The following LRRC27 variants were observed in gnomAD, a reference collection of about 807,000 sequenced individuals.
The protein encoded by LRRC27 is leucine-rich repeat-containing protein 27.
In LRRC27, 57 loss-of-function variants were observed where a neutral mutation model predicts 55.0. The ratio of observed to expected loss-of-function variants is 1.04; its 90% CI spans 0.84 to 1.29. The LOEUF (loss-of-function observed/expected upper bound fraction) is 1.29. Ranked by LOEUF, LRRC27 falls within the 50% of genes most tolerant of loss-of-function variation. LRRC27 has a pLI of 0.00. For missense variants in LRRC27, 721 were observed against 651.5 expected, an observed-to-expected ratio of 1.11 and a Z score of -1.16; for synonymous variants, 278 against 251.9, an observed-to-expected ratio of 1.10 and a Z score of -0.98.
At position 132,378,171 on chromosome 10, in the gene LRRC27, T is replaced by C. The variant is rs1184051749; in HGVS notation, c.*2929T>C. ...GCCTGGGCGACAGAGCGAGACTCCG[T>C]CTCAAAAAAAAAAAAAAAAGATTCA... On this transcript the variant is annotated 3_prime_UTR_variant, in exon 11 of 11. Transcript: ENST00000368614. 3 of 143,396 alleles carry C rather than the reference T, an allele frequency of 2.1e-5. No homozygotes were observed. Among genetic ancestry groups the C allele is most frequent in the African/African-American group, 7.6e-5 (3 of 39,392 alleles). The allele number at this position is 143,396 out of a possible 1,614,324, so 8.9% of individuals were successfully genotyped here. A position where few individuals can be genotyped will look rare whatever the true frequency, so the allele number is the denominator to read the frequency against.
At chr10:132,365,099 G>T (rs1020236718) in intron 9 of LRRC27, among the ~76,000 whole-genome samples, 1 of 152,266 alleles carries the variant, frequency 6.6e-6, no homozygotes, top group African/African-American at 2.4e-5. Flanking sequence ...CCTTCATGTG[G>T]TGCAGTGTGC....
chr10:132,346,377 A>G (rs1406830949), intron 5 of LRRC27, among the ~76,000 whole-genome samples: 3 of 152,050 alleles, frequency 2.0e-5, no homozygotes, highest in Admixed American at 2.0e-4. Context: ...CCTTTCAATT[A>G]CTTTAAAAAG....
intron 6 of LRRC27, among the ~76,000 whole-genome samples, chr10:132,349,525 A>C (rs543021680): frequency 6.0e-4 from 92 of 152,342 alleles, no homozygotes; most frequent in African/African-American, 1.7e-3. Context: ...ACACAGTCGC[A>C]CGGTGAAAGG....
intron 2 of LRRC27, chr10:132,336,748 C>A: frequency 1.3e-6 from 1 of 769,430 alleles, no homozygotes; most frequent in South Asian, 1.4e-5. Context: ...TCCAGGCAGT[C>A]TGGCTTTGAG....
In LRRC27 at chr10:132,375,551, G is replaced by C. The variant is rs1312296793; in HGVS notation, c.*309G>C. On this transcript the variant is annotated 3_prime_UTR_variant, in exon 11 of 11. Coordinates refer to ENST00000368614, the MANE Select transcript of LRRC27 (RefSeq NM_030626.3). ...AGGCACTTGCCTCTCTCCTGTCCTGGAGCCCTTGTTACAAAAGTACTCACA... is the reference window on the plus strand; with the variant it reads ...AGGCACTTGCCTCTCTCCTGTCCTGCAGCCCTTGTTACAAAAGTACTCACA... 1 of 242,582 alleles carries C rather than the reference G, an allele frequency of 4.1e-6. No individual in the cohort carries two copies. Among genetic ancestry groups the C allele is most frequent in the Non-Finnish European group, 7.9e-6 (1 of 126,740 alleles). The allele number at this position is 242,582 out of a possible 1,614,324, so 15.0% of individuals were successfully genotyped here.
chr10:132,364,228 G>A (rs928354789), intron 9 of LRRC27, among the ~76,000 whole-genome samples: 11 of 151,894 alleles, frequency 7.2e-5, no homozygotes, highest in Admixed American at 1.3e-4. Flanking sequence ...CCCTGCTGCT[G>A]GGAGTAAGAG....
At chr10:132,361,994 C>T (rs1325010353) in intron 9 of LRRC27, among the ~76,000 whole-genome samples, 1 of 152,196 alleles carries the variant, frequency 6.6e-6, no homozygotes, top group Non-Finnish European at 1.5e-5. Context: ...TTCTTCCCAC[C>T]CCAGCTTCCT....
In LRRC27 at chr10:132,333,703, TGGA is replaced by T. The variant is rs2066953399; in HGVS notation, c.185_187del (p.Glu62del). On this transcript the variant is annotated inframe_deletion, in exon 2 of 11. Transcript: ENST00000368614. ...TTGAGTGAAAGTGGTCTGTGCCGTT[TGGA>T]GGAGGTCTTTAGAATCCCCAGCCTT... The T allele has an allele frequency of 1.2e-6, 2 of 1,613,596 alleles. No individual in the cohort carries two copies. Among genetic ancestry groups the T allele is most frequent in the African/African-American group, 2.7e-5 (2 of 74,922 alleles).
intron 9 of LRRC27, among the ~76,000 whole-genome samples, chr10:132,364,537 AAATCTACCTCCACACCCACACTT>A: frequency 1.6e-5 from 1 of 63,354 alleles, no homozygotes; most frequent in Non-Finnish European, 2.9e-5. Context: ...ACCCACACTT[AAATCTACCTCCACACCCACACTT>A]ACACCCACGT....
chr10:132,337,753 T>C (rs1294289094), intron 3 of LRRC27, 58 bp downstream of exon 3: 1 of 1,580,550 alleles, frequency 6.3e-7, no homozygotes, highest in Non-Finnish European at 8.7e-7. Context: ...CGAGTGCCTG[T>C]TCTTTCGCTC....
intron 9 of LRRC27, among the ~76,000 whole-genome samples, chr10:132,364,832 C>G (rs2068969449): frequency 6.6e-6 from 1 of 150,988 alleles, no homozygotes; most frequent in Non-Finnish European, 1.5e-5. Flanking sequence ...ACATCTACCT[C>G]CACGCCCACA....
In LRRC27 at chr10:132,364,445, A is replaced by ACC. The variant is rs1564853403; in HGVS notation, c.1290-978_1290-977insCC. Among the ~76,000 whole-genome samples, 4 of 118,198 alleles carry ACC rather than the reference A, an allele frequency of 3.4e-5. 1 individual carries two copies. The highest frequency in any genetic ancestry group is 7.1e-5 in the African/African-American group (2 of 28,062). 77.5% of individuals were successfully genotyped at this position (118,198 alleles called of 152,430 possible). Reference sequence around the variant, plus strand: ...TACACCCACGCTTACATCTACCTCCACACCCACACTCACACCCACCCACAC... The same window carrying ACC: ...TACACCCACGCTTACATCTACCTCCACCCACCCACACTCACACCCACCCACAC... On this transcript the variant is annotated intron_variant, in intron 9 of 10. Transcript: ENST00000368614.
At chr10:132,357,118 C>T (rs1434382261) in intron 8 of LRRC27, among the ~76,000 whole-genome samples, 1 of 152,156 alleles carries the variant, frequency 6.6e-6, no homozygotes, top group Non-Finnish European at 1.5e-5. Context: ...TCCGTCTCCC[C>T]CCGGCCCAGC....
Position 132,380,310 on chromosome 10 carries a change from TGCA to T in LRRC27, c.*5072_*5074del, listed in dbSNP as rs2069395026. ...AAACTCTGTCTCAAAAAAAAAAAAA[TGCA>T]GCATTAAATTATAACTGCATGAAAT... On this transcript the variant is annotated 3_prime_UTR_variant, in exon 11 of 11. Coordinates refer to ENST00000368614, the MANE Select transcript of LRRC27 (RefSeq NM_030626.3). Among the ~76,000 whole-genome samples, 2 of 144,046 alleles carry T rather than the reference TGCA, an allele frequency of 1.4e-5. No individual in the cohort carries two copies. Among genetic ancestry groups the T allele is most frequent in the Non-Finnish European group, 3.0e-5 (2 of 66,254 alleles). 94.5% of individuals were successfully genotyped at this position (144,046 alleles called of 152,430 possible). A position where few individuals can be genotyped will look rare whatever the true frequency, so the allele number is the denominator to read the frequency against.
rs746646438 is a variant in LRRC27 at position 132,365,451 on chromosome 10, G to A, written c.1317G>A (p.Glu439=). The A allele has an allele frequency of 6.2e-7, 1 of 1,613,752 alleles. No individual in the cohort carries two copies. Among genetic ancestry groups the A allele is most frequent in the East Asian group, 2.2e-5 (1 of 44,886 alleles). ...CCCTGCAGGAGAGAAATTTAGAAGAGAAGATAAAACAGCACGTCCTCCAAA... is the reference window on the plus strand; with the variant it reads ...CCCTGCAGGAGAGAAATTTAGAAGAAAAGATAAAACAGCACGTCCTCCAAA... The part of the protein sequence containing the change: ...MSALQERNLE[E]KIKQHVLQMR... Residue 439 remains glutamate (E), a synonymous_variant, in exon 10 of 11, where the codon GAG becomes GAA. Transcript: ENST00000368614.
rs141485262 is a variant in LRRC27 at position 132,348,022 on chromosome 10, C to T, written c.592C>T (p.Pro198Ser). Residue 198 changes from proline (P) to serine (S), a missense_variant, in exon 6 of 11, where the codon CCG (proline) becomes TCG (serine). Physicochemically the swap from Pro to Ser is moderately conservative, Grantham distance 74 (BLOSUM62 -1). Transcript: ENST00000368614. The surrounding 1 kb of genome is among the most constrained non-coding windows in gnomAD (Gnocchi z 4.2). Reference sequence around the variant, plus strand: ...TAGAGAGATGACCCTCCGTGACCTCCCGAGCCCAGGACTGGAGTTGTCTGG... The same window carrying T: ...TAGAGAGATGACCCTCCGTGACCTCTCGAGCCCAGGACTGGAGTTGTCTGG... ...PVREMTLRDL[P>S]SPGLELSGDH... 2.5e-6 allele frequency: 4 copies of T among 1,612,700 alleles called. No homozygotes were observed. The African/African-American group carries it at 4.0e-5, about 16-fold the overall frequency.
chr10:132,356,586 A>C (rs918339259), intron 8 of LRRC27, among the ~76,000 whole-genome samples: 4 of 145,162 alleles, frequency 2.8e-5, no homozygotes, highest in African/African-American at 1.0e-4. Flanking sequence ...GCCAGCTCTT[A>C]AGCTATGGGA....
rs770624191 is a variant in LRRC27, at chr10:132,346,580, G to A, written c.554-1404G>A. Reference sequence around the variant, plus strand: ...AGTCCCAGCTACTTGGGAGGCTGAGGCAGGAGAATGGTGTGAACCCGGGAG... The same window carrying A: ...AGTCCCAGCTACTTGGGAGGCTGAGACAGGAGAATGGTGTGAACCCGGGAG... On this transcript the variant is annotated intron_variant, in intron 5 of 10. Transcript: ENST00000368614. Among the ~76,000 whole-genome samples, 97 of 152,206 alleles carry A rather than the reference G, an allele frequency of 6.4e-4. 1 individual carries two copies. The highest frequency in any genetic ancestry group is 1.3e-3 in the Non-Finnish European group (86 of 68,040).
intron 5 of LRRC27, among the ~76,000 whole-genome samples, chr10:132,346,345 A>G (rs532425443): frequency 2.0e-5 from 3 of 152,320 alleles, no homozygotes; most frequent in East Asian, 1.9e-4. Flanking sequence ...TTCAGCTACT[A>G]TGTATATTTT....
Sources: allele counts gnomAD v4.1 joint callset (sites outside exome capture counted in the v4.1 genomes callset), GRCh38; gene constraint gnomAD v4.1.1; non-coding constraint Gnocchi (gnomAD v3.1); transcripts MANE v1.5; gene names NCBI Gene and HGNC (gene_info 2026-07-23, HGNC 2026-07-21).